Variants in NAV2 observed in about 807,000 individuals in gnomAD.
NAV2 encodes the protein helicase, APC down-regulated 1.
A neutral mutation model predicts 223.2 loss-of-function variants in NAV2; 54 were observed. That is an observed-to-expected ratio of 0.24 (90% CI 0.19 to 0.30). The LOEUF is 0.30. Among genes scored for constraint, NAV2 ranks in the 10% least tolerant of loss-of-function variants. The probability of loss-of-function intolerance (pLI) is 1.00; values close to 1 mark genes in which losing one functional copy is unlikely to be tolerated. For synonymous variants in NAV2, 1,279 were observed against 1,239.3 expected, an observed-to-expected ratio of 1.03 and a Z score of -0.67; for missense variants, 2,806 against 3,147.5, an observed-to-expected ratio of 0.89 and a Z score of 2.60.
intron 1 of NAV2, among the ~76,000 whole-genome samples, chr11:19,369,441 T>C (rs1848398461): frequency 6.6e-6 from 1 of 152,214 alleles, no homozygotes; most frequent in African/African-American, 2.4e-5. Flanking sequence ...AAATAGGCAG[T>C]TCTCTCCATA....
intron 5 of NAV2, among the ~76,000 whole-genome samples, chr11:19,889,781 G>A (rs2041339117): frequency 6.6e-6 from 1 of 152,174 alleles, no homozygotes; most frequent in African/African-American, 2.4e-5. Flanking sequence ...GATACCCCAA[G>A]TATAAGATCT....
chr11:19,746,931 G>A (rs1042476078), intron 1 of NAV2, among the ~76,000 whole-genome samples: 1 of 151,780 alleles, frequency 6.6e-6, no homozygotes, highest in Non-Finnish European at 1.5e-5. Context: ...TAGGGTACAT[G>A]TGCACAACGT....
chr11:19,931,853 A>G (rs2045376967), intron 6 of NAV2: 1 of 152,296 alleles, frequency 6.6e-6, no homozygotes, highest in Non-Finnish European at 1.5e-5. Context: ...GAAGGGGTGT[A>G]TCCTGTCTGC....
chr11:19,897,501 A>G (rs1003788342), intron 6 of NAV2, among the ~76,000 whole-genome samples: 7 of 152,254 alleles, frequency 4.6e-5, no homozygotes, highest in East Asian at 1.9e-4. Flanking sequence ...TCCTACCATC[A>G]TCACTGAATT....
intron 1 of NAV2, among the ~76,000 whole-genome samples, chr11:19,642,440 C>T (rs2047691317): frequency 6.6e-6 from 1 of 152,184 alleles, no homozygotes; most frequent in Non-Finnish European, 1.5e-5. Flanking sequence ...GAGAATGAGA[C>T]AAACCAGGAA....
intron 7 of NAV2, among the ~76,000 whole-genome samples, chr11:19,937,693 A>G: frequency 6.6e-6 from 1 of 152,222 alleles, no homozygotes; most frequent in South Asian, 2.1e-4. Flanking sequence ...TCCAAGTCTA[A>G]TGTTCCTTCT....
chr11:19,351,115 T>G (rs1320081219), intron 1 of NAV2: 1 of 1,297,570 alleles, frequency 7.7e-7, no homozygotes, highest in Non-Finnish European at 1.1e-6. Context: ...TCATCGAGCA[T>G]GCTTGTCTGT....
At chr11:19,767,295 T>C (rs1277956388) in intron 1 of NAV2, among the ~76,000 whole-genome samples, 1 of 152,182 alleles carries the variant, frequency 6.6e-6, no homozygotes, top group Non-Finnish European at 1.5e-5. Flanking sequence ...AATGCAGTGA[T>C]AGTACATGTC....
At chr11:19,407,186 A>G (rs990898162) in intron 1 of NAV2, among the ~76,000 whole-genome samples, 10 of 152,150 alleles carry the variant, frequency 6.6e-5, no homozygotes, top group Non-Finnish European at 1.2e-4. Context: ...AGTTTTGAGC[A>G]TCTACTCCGT....
intron 9 of NAV2, 84 bp from the exon 10 acceptor site, chr11:19,948,604 TTTC>T: frequency 7.3e-7 from 1 of 1,376,186 alleles, no homozygotes; most frequent in Non-Finnish European, 9.6e-7. Context: ...ATGAGGATTA[TTTC>T]ATAATTCTAA....
At chr11:19,978,970 TC>T in intron 10 of NAV2, 1 of 152,208 alleles carries the variant, frequency 6.6e-6, no homozygotes, top group Non-Finnish European at 1.5e-5. Flanking sequence ...AGACTTGAAG[TC>T]TGGAGTATTT....
intron 11 of NAV2, among the ~76,000 whole-genome samples, chr11:20,012,501 C>T (rs2053639731): frequency 6.6e-6 from 1 of 151,396 alleles, no homozygotes; most frequent in Non-Finnish European, 1.5e-5. Flanking sequence ...ATGGAGAAAA[C>T]CAATCTTTAC....
At chr11:20,107,561 G>A (rs745848259) in intron 35 of NAV2, 103 bp from the exon 36 acceptor site, 77 of 879,170 alleles carry the variant, frequency 8.8e-5, no homozygotes, top group African/African-American at 2.2e-4. Flanking sequence ...CCCTCAGAAC[G>A]TCTAGGGTCC....
chr11:19,576,161 C>T (rs985491696), intron 1 of NAV2, among the ~76,000 whole-genome samples: 3 of 152,178 alleles, frequency 2.0e-5, no homozygotes, highest in Admixed American at 2.0e-4. Flanking sequence ...CTCTCCATTC[C>T]AAGCTAGCAT....
chr11:19,811,646 C>A (rs2058839696), intron 1 of NAV2, among the ~76,000 whole-genome samples: 1 of 152,200 alleles, frequency 6.6e-6, no homozygotes, highest in Admixed American at 6.5e-5. Context: ...GGAAGAGTTG[C>A]TCTTAGTGGC....
intron 1 of NAV2, among the ~76,000 whole-genome samples, chr11:19,770,283 A>AC (rs2055604666): frequency 6.6e-6 from 1 of 151,768 alleles, no homozygotes; most frequent in Non-Finnish European, 1.5e-5. Context: ...ACCTTAATGA[A>AC]CCCCTAGCCC....
intron 1 of NAV2, among the ~76,000 whole-genome samples, chr11:19,796,142 G>A (rs1030989471): frequency 2.0e-5 from 3 of 152,152 alleles, no homozygotes; most frequent in African/African-American, 7.2e-5. Flanking sequence ...ACCATTCTTG[G>A]TACCTCAAAC....
At chr11:19,947,502 C>T (rs896831538) in intron 9 of NAV2, among the ~76,000 whole-genome samples, 37 of 152,274 alleles carry the variant, frequency 2.4e-4, no homozygotes, top group East Asian at 5.8e-4. Flanking sequence ...TTTCCACCAT[C>T]GTCACTGACA....
chr11:19,402,730 T>C (rs541560470), intron 1 of NAV2, among the ~76,000 whole-genome samples: 1 of 152,342 alleles, frequency 6.6e-6, no homozygotes, highest in African/African-American at 2.4e-5. Context: ...TGTATACTCT[T>C]GTGATTAAGT....
Sources: allele counts gnomAD v4.1 joint callset (sites outside exome capture counted in the v4.1 genomes callset), GRCh38; gene constraint gnomAD v4.1.1; transcripts MANE v1.5; gene names NCBI Gene and HGNC (gene_info 2026-07-23, HGNC 2026-07-21).